TRAPPC9: variants seen among roughly 807,000 people sequenced by gnomAD.
TRAPPC9 encodes IKK2 binding protein.
TRAPPC9 carries 83 observed loss-of-function variants against 124.0 expected under a neutral mutation model. The ratio of observed to expected loss-of-function variants is 0.67; its 90% CI spans 0.56 to 0.80. TRAPPC9 has a LOEUF of 0.80. Among genes scored for constraint, TRAPPC9 ranks in the 30% least tolerant of loss-of-function variants. The pLI, the probability that TRAPPC9 is intolerant of heterozygous loss-of-function variation, is 0.00. For synonymous variants in TRAPPC9, 638 were observed against 617.5 expected (o/e 1.03, Z -0.49); for missense variants, 1,302 against 1,508.3 (o/e 0.86, Z 2.27).
rs1247050269 is a variant in TRAPPC9, at chr8:140,001,376, C to G, written c.2700-12540G>C. On this transcript the variant is annotated intron_variant, in intron 18 of 22. Transcript: ENST00000438773. ...CACATTGTGCACATGTACTCTAGAACTTAAAGTATAATAATAATAATAATA... is the reference window on the plus strand; with the variant it reads ...CACATTGTGCACATGTACTCTAGAAGTTAAAGTATAATAATAATAATAATA... 2.2e-5 allele frequency among the ~76,000 whole-genome samples: 3 copies of G among 136,742 alleles called. No individual in the cohort carries two copies. In the South Asian group the frequency reaches 7.1e-4, roughly 33 times the overall value. The allele number at this position is 136,742 out of a possible 152,430, so 89.7% of individuals were successfully genotyped here.
At chr8:140,364,731 C>T (rs767425185) in intron 8 of TRAPPC9, among the ~76,000 whole-genome samples, 6 of 151,960 alleles carry the variant, frequency 3.9e-5, no homozygotes, top group East Asian at 1.9e-4. Context: ...TACAGGCATG[C>T]GCCACTACAC....
At chr8:140,200,677 GGA>G (rs1226554656) in intron 17 of TRAPPC9, among the ~76,000 whole-genome samples, 1 of 152,118 alleles carries the variant, frequency 6.6e-6, no homozygotes, top group Non-Finnish European at 1.5e-5. Flanking sequence ...CGAAAAACAA[GGA>G]GAGACAAGCC....
At chr8:140,324,169 A>T (rs939176267) in intron 9 of TRAPPC9, among the ~76,000 whole-genome samples, 12 of 152,212 alleles carry the variant, frequency 7.9e-5, no homozygotes, top group African/African-American at 2.9e-4. Flanking sequence ...ACAACCTTTA[A>T]ATATGAAGAC....
rs1334794627 is a variant in TRAPPC9, at chr8:139,727,949, A to G, written c.*3112T>C. Among the ~76,000 whole-genome samples the G allele has an allele frequency of 3.3e-5, 5 of 152,196 alleles. No individual in the cohort carries two copies. The highest frequency in any genetic ancestry group is 7.2e-5 in the African/African-American group (3 of 41,442). ...GATATTTCAGGCACAGGACATGTGG[A>G]TGGAATTAAAAAGAACAGCAATGGG... is the stretch of plus-strand genomic sequence containing the variant. On this transcript the variant is annotated 3_prime_UTR_variant, in exon 23 of 23. Coordinates refer to ENST00000438773, the MANE Select transcript of TRAPPC9 (RefSeq NM_001160372.4).
intron 15 of TRAPPC9, among the ~76,000 whole-genome samples, chr8:140,265,073 C>T (rs1030534072): frequency 2.6e-5 from 4 of 152,282 alleles, no homozygotes; most frequent in Middle Eastern, 3.4e-3. Context: ...ACAGAGGCAA[C>T]GAGCAACAGC....
At chr8:139,843,136 C>T (rs1413023079) in intron 21 of TRAPPC9, among the ~76,000 whole-genome samples, 1 of 152,240 alleles carries the variant, frequency 6.6e-6, no homozygotes, top group East Asian at 1.9e-4. Context: ...GCACTCGACA[C>T]ATAGGGCTAA....
intron 19 of TRAPPC9, among the ~76,000 whole-genome samples, chr8:139,925,567 G>T (rs966910298): frequency 2.8e-4 from 43 of 152,036 alleles, no homozygotes; most frequent in African/African-American, 1.0e-3. Flanking sequence ...GGGTAACATA[G>T]TGAAACCCCA....
At position 139,823,902 on chromosome 8, in the gene TRAPPC9, C is replaced by T. The variant is rs574584939; in HGVS notation, c.3055+61977G>A. ...TGCTCCCTCCAGGCCCTCTCACCCA[C>T]CCTTGGCACAGAAGGTCTTGGAGAG... On this transcript the variant is annotated intron_variant, in intron 21 of 22. Transcript: ENST00000438773. Among the ~76,000 whole-genome samples the T allele has an allele frequency of 8.5e-5, 13 of 152,340 alleles. 1 individual carries two copies. The South Asian group carries it at 2.5e-3, about 29-fold the overall frequency.
chr8:139,832,370 C>T (rs1370121132), intron 21 of TRAPPC9, among the ~76,000 whole-genome samples: 5 of 152,210 alleles, frequency 3.3e-5, no homozygotes, highest in African/African-American at 1.2e-4. Context: ...ACAGAATGCG[C>T]GGGGTGTTCG....
At position 140,210,876 on chromosome 8, in the gene TRAPPC9, A is replaced by G. The variant is rs147563111; in HGVS notation, c.2556+10583T>C. 1.9e-3 allele frequency among the ~76,000 whole-genome samples: 285 copies of G among 152,360 alleles called. 2 individuals are homozygous for G. Among genetic ancestry groups the G allele is most frequent in the African/African-American group, 5.6e-3 (233 of 41,586 alleles). On this transcript the variant is annotated intron_variant, in intron 17 of 22. Coordinates refer to ENST00000438773, the MANE Select transcript of TRAPPC9 (RefSeq NM_001160372.4). Reference sequence around the variant, plus strand: ...TGTAAGTGTTCAAGGAGTAACTGGCATAATACGTGTTTTCCTCGCCGCTGA... The same window carrying G: ...TGTAAGTGTTCAAGGAGTAACTGGCGTAATACGTGTTTTCCTCGCCGCTGA...
At chr8:139,785,697 C>T (rs2130559952) in intron 21 of TRAPPC9, among the ~76,000 whole-genome samples, 1 of 150,680 alleles carries the variant, frequency 6.6e-6, no homozygotes, top group South Asian at 2.1e-4. Flanking sequence ...CCACTGCACT[C>T]CAGCCTGGGC....
intron 4 of TRAPPC9, among the ~76,000 whole-genome samples, chr8:140,431,263 C>T (rs1398565897): frequency 2.0e-5 from 3 of 151,916 alleles, no homozygotes; most frequent in Non-Finnish European, 2.9e-5. Context: ...TCAAGACCAG[C>T]CTGGCCAACA....
At chr8:140,039,476 C>G (rs1222958148) in intron 17 of TRAPPC9, among the ~76,000 whole-genome samples, 1 of 152,210 alleles carries the variant, frequency 6.6e-6, no homozygotes, top group Non-Finnish European at 1.5e-5. Flanking sequence ...AATTATTACC[C>G]ACTTTTTATA....
chr8:139,994,006 A>G (rs1837808227), intron 18 of TRAPPC9, among the ~76,000 whole-genome samples: 1 of 152,246 alleles, frequency 6.6e-6, no homozygotes, highest in Non-Finnish European at 1.5e-5. Context: ...TCTGTATGGT[A>G]GACAAATTGA....
chr8:140,215,647 GA>G (rs61147507), intron 17 of TRAPPC9, among the ~76,000 whole-genome samples: 159 of 136,908 alleles, frequency 1.2e-3, no homozygotes, highest in Non-Finnish European at 1.3e-3. Flanking sequence ...CTCCATCTCC[GA>G]AAAAAAAAAA....
intron 19 of TRAPPC9, among the ~76,000 whole-genome samples, chr8:139,940,964 C>T (rs1209616103): frequency 6.6e-6 from 1 of 152,244 alleles, no homozygotes; most frequent in Non-Finnish European, 1.5e-5. Context: ...AAGCCGGGCA[C>T]CCACAGCAGC....
intron 21 of TRAPPC9, among the ~76,000 whole-genome samples, chr8:139,785,899 A>T (rs1007036007): frequency 6.6e-6 from 1 of 151,338 alleles, no homozygotes; most frequent in African/African-American, 2.4e-5. Flanking sequence ...AGCACTCTCA[A>T]ATGTTACTAA....
At position 139,731,107 on chromosome 8, in the gene TRAPPC9, A is replaced by G. The variant is rs528735709; in HGVS notation, c.3401T>C (p.Phe1134Ser). Reference protein sequence around the residue: ...STSKELPPSWFCLPSVHVCAL... With the variant: ...STSKELPPSWSCLPSVHVCAL... ...ACACACGTGCACACTGGGCAGGCAG[A>G]ACCAAGAGGGTGGCAGCTCCTTGCT... The change falls in exon 23 of 23, where the codon TTC (phenylalanine) becomes TCC (serine). Residue 1134 changes from phenylalanine to serine, a missense_variant. Physicochemically the swap from Phe to Ser is radical, Grantham distance 155. This residue lies in a region of TRAPPC9 where 640 missense variants were observed against 679.3 expected (regional missense o/e 0.94). Transcript: ENST00000438773. 2.5e-6 allele frequency: 4 copies of G among 1,613,886 alleles called. No homozygotes were observed. The South Asian group carries it at 4.4e-5, about 18-fold the overall frequency.
chr8:140,208,297 G>A (rs1415448217), intron 17 of TRAPPC9, among the ~76,000 whole-genome samples: 1 of 152,186 alleles, frequency 6.6e-6, no homozygotes, highest in Non-Finnish European at 1.5e-5. Flanking sequence ...CACCGGAAGT[G>A]TCCGTAAGGA....
Sources: allele counts gnomAD v4.1 joint callset (sites outside exome capture counted in the v4.1 genomes callset), GRCh38; gene constraint gnomAD v4.1.1; regional missense constraint gnomAD v4.1.1; transcripts MANE v1.5; gene names NCBI Gene and HGNC (gene_info 2026-07-23, HGNC 2026-07-21).